Variants in GSE1 observed in about 807,000 individuals in gnomAD.
GSE1 encodes genetic suppressor element 1.
In GSE1, 32 loss-of-function variants were observed where a neutral mutation model predicts 112.6. That is an observed-to-expected ratio of 0.28 (90% CI 0.21 to 0.38). The LOEUF (loss-of-function observed/expected upper bound fraction) is 0.38, where lower values mean the gene tolerates loss of function less well. Ranked by LOEUF, GSE1 falls within the 10% of genes least tolerant of loss-of-function variation. The probability of loss-of-function intolerance (pLI) is 1.00; values close to 1 mark genes in which losing one functional copy is unlikely to be tolerated. For synonymous variants in GSE1, 1,115 were observed against 735.6 expected (o/e 1.52, Z -8.35); for missense variants, 2,348 against 1,699.2 (o/e 1.38, Z -6.71).
At chr16:85,639,591 C>T (rs1160952043) in intron 2 of GSE1, among the ~76,000 whole-genome samples, 2 of 152,248 alleles carry the variant, frequency 1.3e-5, no homozygotes, top group East Asian at 3.9e-4. Context: ...GAGGTGTTTG[C>T]CCCGAGGGTG....
intron 14 of GSE1, 174 bp from the exon 15 acceptor site, chr16:85,670,821 T>G (rs2053268646): frequency 2.0e-6 from 1 of 504,382 alleles, no homozygotes; most frequent in South Asian, 2.8e-5. Context: ...CGTTTATGTA[T>G]TTATCGGTAC....
At chr16:85,292,975 A>T (rs905051279) in intron 1 of GSE1, among the ~76,000 whole-genome samples, 2 of 152,122 alleles carry the variant, frequency 1.3e-5, no homozygotes, top group African/African-American at 4.8e-5. Context: ...CATACAATAC[A>T]AGCCACATGT....
intron 1 of GSE1, among the ~76,000 whole-genome samples, chr16:85,277,416 G>A (rs1271480465): frequency 6.6e-6 from 1 of 152,204 alleles, no homozygotes; most frequent in African/African-American, 2.4e-5. Flanking sequence ...AAGAGGCTGA[G>A]CTGCCGGTCT....
chr16:85,616,588 C>A (rs541627590), intron 1 of GSE1, among the ~76,000 whole-genome samples: 1 of 152,234 alleles, frequency 6.6e-6, no homozygotes, highest in East Asian at 1.9e-4. Context: ...CCCTCCCTTT[C>A]CTGGTGTGCC....
intron 1 of GSE1, among the ~76,000 whole-genome samples, chr16:85,248,614 T>G (rs1444593972): frequency 1.3e-5 from 2 of 152,170 alleles, no homozygotes; most frequent in African/African-American, 2.4e-5. Context: ...GGAGCCGCCA[T>G]GATCTGTGTA....
intron 1 of GSE1, among the ~76,000 whole-genome samples, chr16:85,581,700 G>A (rs1396200102): frequency 6.6e-6 from 1 of 152,190 alleles, no homozygotes; most frequent in Non-Finnish European, 1.5e-5. Flanking sequence ...GTGCATTTCT[G>A]TGCTCAGGGT....
chr16:85,400,147 G>A (rs1329095591), intron 2 of GSE1, among the ~76,000 whole-genome samples: 1 of 152,176 alleles, frequency 6.6e-6, no homozygotes, highest in Admixed American at 6.5e-5. Flanking sequence ...TTCTTTCAAA[G>A]GCAAAAAAAC....
intron 2 of GSE1, among the ~76,000 whole-genome samples, chr16:85,639,349 C>A (rs2050255707): frequency 6.6e-6 from 1 of 152,194 alleles, no homozygotes; most frequent in African/African-American, 2.4e-5. Context: ...CCTCTCCTAC[C>A]AGGACCTCTT....
intron 1 of GSE1, among the ~76,000 whole-genome samples, chr16:85,625,903 C>T (rs945264477): frequency 1.6e-4 from 25 of 152,130 alleles, no homozygotes; most frequent in African/African-American, 4.6e-4. Context: ...ACGGGCCAGG[C>T]GCTGTGTTGC....
At chr16:85,638,156 G>A (rs376990773) in intron 2 of GSE1, among the ~76,000 whole-genome samples, 2 of 152,214 alleles carry the variant, frequency 1.3e-5, no homozygotes, top group South Asian at 2.1e-4. Context: ...ATCTGACTGC[G>A]ATTGCCTCCG....
chr16:85,623,740 C>T (rs2048885962), intron 1 of GSE1, among the ~76,000 whole-genome samples: 1 of 152,188 alleles, frequency 6.6e-6, no homozygotes, highest in Admixed American at 6.5e-5. Context: ...TCATCACCAT[C>T]TCCCCGCCTC....
chr16:85,665,050 A>G lies in GSE1; in HGVS notation c.2680A>G (p.Lys894Glu), dbSNP rs2052726447. 6.2e-7 allele frequency: 1 copy of G among 1,611,736 alleles called. No individual in the cohort carries two copies. Among genetic ancestry groups the G allele is most frequent in the Non-Finnish European group, 8.5e-7 (1 of 1,178,150 alleles). Residue 894 changes from lysine (K) to glutamate (E), a missense_variant, in exon 12 of 16, where the codon AAG becomes GAG. Lys to Glu is a moderately conservative substitution (Grantham distance 56). Transcript: ENST00000253458. ...ACTTGTTGAAATGCTCCGTGCCATGAAGCAGAAGGCACTGTCAGCAGCAGT... is the reference window on the plus strand; with the variant it reads ...ACTTGTTGAAATGCTCCGTGCCATGGAGCAGAAGGCACTGTCAGCAGCAGT... Reference protein sequence around the residue: ...ERLVEMLRAMKQKALSAAVAD... With the variant: ...ERLVEMLRAMEQKALSAAVAD...
intron 2 of GSE1, among the ~76,000 whole-genome samples, chr16:85,456,932 C>CTTA (rs1296619906): frequency 3.0e-4 from 45 of 152,280 alleles, no homozygotes; most frequent in African/African-American, 1.1e-3. Context: ...CAGGACAAAA[C>CTTA]GGGCCTTGCC....
chr16:85,420,898 TGGC>T (rs1431516304), intron 2 of GSE1, among the ~76,000 whole-genome samples: 2 of 152,084 alleles, frequency 1.3e-5, no homozygotes, highest in African/African-American at 4.8e-5. Context: ...GCGGCGGCGA[TGGC>T]GGCTTCACCC....
chr16:85,340,504 G>A lies in GSE1; in HGVS notation c.2284-16959G>A, dbSNP rs553486568. Among the ~76,000 whole-genome samples, 239 of 152,292 alleles carry A rather than the reference G, an allele frequency of 1.6e-3. 1 individual carries two copies. Among genetic ancestry groups the A allele is most frequent in the Middle Eastern group, 3.4e-3 (1 of 294 alleles). ...AAAATACAAAAAATTAGCTGGGTGT[G>A]GTAGTGCACACCTGTAATCCCAGAC... On this transcript the variant is annotated intron_variant, in intron 1 of 2. Coordinates refer to the GSE1 transcript ENST00000637419.
intron 3 of GSE1, among the ~76,000 whole-genome samples, chr16:85,653,125 G>C (rs2151907125): frequency 7.0e-6 from 1 of 142,706 alleles, no homozygotes; most frequent in East Asian, 2.2e-4. Context: ...GTGACGCCTG[G>C]GTTGGCAGCC....
chr16:85,374,310 G>A (rs1287531183), intron 2 of GSE1, among the ~76,000 whole-genome samples: 4 of 151,200 alleles, frequency 2.6e-5, no homozygotes, highest in African/African-American at 9.8e-5. Flanking sequence ...GTGGCCCTCG[G>A]TGTGCAGTGT....
intron 1 of GSE1, among the ~76,000 whole-genome samples, chr16:85,196,901 C>G (rs940284616): frequency 3.3e-5 from 5 of 152,024 alleles, no homozygotes; most frequent in Admixed American, 1.3e-4. Context: ...TTGGGTTTCT[C>G]CCCTGTGAAT....
At chr16:85,427,826 C>T (rs551021472) in intron 2 of GSE1, among the ~76,000 whole-genome samples, 6 of 152,310 alleles carry the variant, frequency 3.9e-5, no homozygotes, top group East Asian at 3.9e-4. Context: ...AGCAAGACTC[C>T]GTCTCAAAAA....
Sources: allele counts gnomAD v4.1 joint callset (sites outside exome capture counted in the v4.1 genomes callset), GRCh38; gene constraint gnomAD v4.1.1; transcripts MANE v1.5; gene names NCBI Gene and HGNC (gene_info 2026-07-23, HGNC 2026-07-21).